Variants in MTMR10 observed in about 807,000 individuals in gnomAD.
The protein encoded by MTMR10 is myotubularin related protein 10, also known as myotubularin-related protein 10.
In MTMR10, 56 loss-of-function variants were observed where a neutral mutation model predicts 88.1. That is an observed-to-expected ratio of 0.64 (90% CI 0.51 to 0.79). MTMR10 has a LOEUF of 0.79. MTMR10 is among the 30% of genes least tolerant of loss of function. The pLI, the probability that MTMR10 is intolerant of heterozygous loss-of-function variation, is 0.00. For synonymous variants in MTMR10, 380 were observed against 340.9 expected (o/e 1.11, Z -1.26); for missense variants, 883 against 924.7 (o/e 0.95, Z 0.58).
Position 30,939,040 on chromosome 15 carries a change from C to CTCAAG in MTMR10, c.*2425_*2429dup. ...CATCTTCTTGCTCATCCCACTTGAA[C>CTCAAG]TCAAGTCATCAATTTTAGGCACAAA... is the stretch of plus-strand genomic sequence containing the variant. On this transcript the variant is annotated 3_prime_UTR_variant, in exon 16 of 16. Transcript: ENST00000435680. The CTCAAG allele has an allele frequency of 1.0e-6, 1 of 985,406 alleles. No individual in the cohort carries two copies. Among genetic ancestry groups the CTCAAG allele is most frequent in the African/African-American group, 1.7e-5 (1 of 57,356 alleles). 61.0% of individuals were successfully genotyped at this position (985,406 alleles called of 1,614,324 possible).
At chr15:30,937,822 T>C (rs1405328231), downstream of MTMR10, among the ~76,000 whole-genome samples, 1 of 151,984 alleles carries the variant, frequency 6.6e-6, no homozygotes, top group African/African-American at 2.4e-5. Context: ...TGCATCTATA[T>C]GATTAGATGT....
chr15:30,962,556 T>C (rs1006702236), intron 6 of MTMR10, among the ~76,000 whole-genome samples: 2 of 151,718 alleles, frequency 1.3e-5, no homozygotes, highest in African/African-American at 2.4e-5. Context: ...ACGTAACTTA[T>C]CTGACCTTCA....
At chr15:30,964,784 T>C (rs549902386) in intron 6 of MTMR10, among the ~76,000 whole-genome samples, 2 of 152,174 alleles carry the variant, frequency 1.3e-5, no homozygotes, top group East Asian at 1.9e-4. Flanking sequence ...AAGCGTGAAA[T>C]AGATATTATA....
chr15:30,989,586 G>T (rs941095292), intron 2 of MTMR10, among the ~76,000 whole-genome samples: 12 of 143,444 alleles, frequency 8.4e-5, no homozygotes, highest in South Asian at 6.6e-4. Context: ...TTGATTTCAG[G>T]TTTTTTTTTT....
chr15:30,935,569 T>C (rs1360264023), downstream of MTMR10, among the ~76,000 whole-genome samples: 1 of 151,984 alleles, frequency 6.6e-6, no homozygotes, highest in Non-Finnish European at 1.5e-5. Flanking sequence ...TATGAGAAGA[T>C]GTGCTAGAAT....
chr15:30,954,989 G>T, intron 9 of MTMR10, 96 bp from the exon 10 acceptor site: 2 of 1,072,972 alleles, frequency 1.9e-6, no homozygotes, highest in Non-Finnish European at 2.5e-6. Context: ...AGAGGAATGA[G>T]ACAGGTAAGG....
At position 30,950,758 on chromosome 15, in the gene MTMR10, C is replaced by T. The variant is rs1471233359; in HGVS notation, c.1207+1210G>A. On this transcript the variant is annotated intron_variant, in intron 12 of 15. Transcript: ENST00000435680. The stretch of plus-strand genomic sequence containing the variant: ...TGAGTATATAGTCTTCCCTCAGTAT[C>T]CATGGGGAACTCATTCCAGGGCCTC... Among the ~76,000 whole-genome samples the T allele has an allele frequency of 1.4e-4, 21 of 152,212 alleles. No individual in the cohort carries two copies. In the South Asian group the frequency reaches 3.9e-3, roughly 29 times the overall value.
the MTMR10 span, chr15:30,920,637 G>A: frequency 6.2e-7 from 1 of 1,605,816 alleles, no homozygotes; most frequent in Non-Finnish European, 8.5e-7. Context: ...ATACTGCAGA[G>A]ACTTCACATG....
chr15:30,920,546 T>C, the MTMR10 span: 2 of 1,602,162 alleles, frequency 1.2e-6, no homozygotes, highest in Non-Finnish European at 1.7e-6. Context: ...TCATTTTAGA[T>C]GCCACGAAGA....
chr15:30,959,073 T>C lies in MTMR10; in HGVS notation c.807A>G (p.Leu269=), dbSNP rs777536244. The C allele has an allele frequency of 8.7e-6, 14 of 1,611,728 alleles. No individual in the cohort carries two copies. In the South Asian group the frequency reaches 1.3e-4, roughly 15 times the overall value. ...CAACAAAAGAATGGGAAAAGATCTTTAGATCTTGGTCTGCTAAAGAACTTG... is the reference window on the plus strand; with the variant it reads ...CAACAAAAGAATGGGAAAAGATCTTCAGATCTTGGTCTGCTAAAGAACTTG... The part of the protein sequence containing the change: ...VVPSSLADQD[L]KIFSHSFVGR... The change falls in exon 8 of 16, where the codon CTA becomes CTG. Residue 269 remains leucine (L), a synonymous_variant. Transcript: ENST00000435680.
At chr15:30,982,520 A>G (rs778701458) in intron 2 of MTMR10, among the ~76,000 whole-genome samples, 10 of 152,202 alleles carry the variant, frequency 6.6e-5, no homozygotes, top group South Asian at 2.1e-4. Context: ...AAAGTGAAAG[A>G]AGGACTCTCT....
intron 2 of MTMR10, among the ~76,000 whole-genome samples, chr15:30,984,220 C>T (rs2030785936): frequency 6.6e-6 from 1 of 152,048 alleles, no homozygotes; most frequent in East Asian, 1.9e-4. Context: ...GGTTCATGAA[C>T]GGTGTTGACA....
At chr15:30,948,641 A>G in intron 12 of MTMR10, 170 bp from the exon 13 acceptor site, 1 of 638,116 alleles carries the variant, frequency 1.6e-6, no homozygotes, top group East Asian at 2.8e-5. Context: ...ACAGACTTGT[A>G]GATAAACTAA....
intron 2 of MTMR10, among the ~76,000 whole-genome samples, chr15:30,985,661 G>A (rs1033875577): frequency 7.2e-5 from 11 of 152,326 alleles, no homozygotes; most frequent in Non-Finnish European, 1.0e-4. Context: ...AAGGATCCTC[G>A]TTCAAAGTAT....
the MTMR10 span, chr15:30,930,780 AGAGCTTTTG>A: frequency 7.1e-7 from 1 of 1,400,770 alleles, no homozygotes; most frequent in Admixed American, 1.9e-5. Flanking sequence ...GAATTCCTTG[AGAGCTTTTG>A]GGCCGAGGGC....
At chr15:30,972,725 C>T (rs1288380452) in intron 5 of MTMR10, among the ~76,000 whole-genome samples, 1 of 152,164 alleles carries the variant, frequency 6.6e-6, no homozygotes, top group Non-Finnish European at 1.5e-5. Context: ...GGGCAAGAAA[C>T]TGCATCTTAC....
intron 2 of MTMR10, among the ~76,000 whole-genome samples, chr15:30,979,430 GCGCCAGGCGTGGTGGT>G (rs1367594908): frequency 1.3e-5 from 2 of 151,376 alleles, no homozygotes; most frequent in African/African-American, 4.9e-5. Context: ...GCGTGGTGGT[GCGCCAGGCGTGGTGGT>G]GCGCACCTGT....
chr15:30,924,429 C>A, the MTMR10 span, among the ~76,000 whole-genome samples: 1 of 152,166 alleles, frequency 6.6e-6, no homozygotes, highest in Non-Finnish European at 1.5e-5. Context: ...ACAGTGTTTA[C>A]ACCAGTGTCA....
the MTMR10 span, chr15:30,925,146 A>C: frequency 2.5e-6 from 4 of 1,613,880 alleles, no homozygotes; most frequent in Non-Finnish European, 3.4e-6. Context: ...TGCATCACAG[A>C]GGGGCTGGCG....
Sources: allele counts gnomAD v4.1 joint callset (sites outside exome capture counted in the v4.1 genomes callset), GRCh38; gene constraint gnomAD v4.1.1; transcripts MANE v1.5; gene names NCBI Gene and HGNC (gene_info 2026-07-23, HGNC 2026-07-21).